The following SYT1 variants were observed in gnomAD, a reference collection of about 807,000 sequenced individuals.
SYT1 encodes synaptotagmin 1.
In SYT1, 8 loss-of-function variants were observed where a neutral mutation model predicts 44.8. The observed-to-expected ratio is 0.18, with a 90% CI of 0.10 to 0.32. The LOEUF is 0.32. SYT1 is among the 10% of genes least tolerant of loss of function. SYT1 has a pLI of 1.00. For missense variants in SYT1, 286 were observed against 509.3 expected, an observed-to-expected ratio of 0.56 and a Z score of 4.22; for synonymous variants, 154 against 188.8, an observed-to-expected ratio of 0.82 and a Z score of 1.51.
chr12:79,063,963 T>C (rs553862140), intron 3 of SYT1, among the ~76,000 whole-genome samples: 13 of 152,280 alleles, frequency 8.5e-5, no homozygotes, highest in Middle Eastern at 3.4e-3. Flanking sequence ...TCAAAGCACC[T>C]AGGACATGCC....
chr12:79,006,046 C>T (rs962952902), intron 2 of SYT1, among the ~76,000 whole-genome samples: 1 of 152,136 alleles, frequency 6.6e-6, no homozygotes, highest in Non-Finnish European at 1.5e-5. Context: ...GGCCTCATCT[C>T]CTAACAACCA....
At chr12:79,105,401 A>G (rs982689673) in intron 3 of SYT1, among the ~76,000 whole-genome samples, 6 of 152,210 alleles carry the variant, frequency 3.9e-5, no homozygotes, top group Non-Finnish European at 5.9e-5. Flanking sequence ...AGGAAGAGTA[A>G]TGGAAAATGA....
chr12:79,401,139 C>T (rs11114088), intron 9 of SYT1, among the ~76,000 whole-genome samples: 7,783 of 152,138 alleles, frequency 0.051, 435 homozygotes, highest in East Asian at 0.2. Context: ...ATAAAAATGT[C>T]AAACAAGGGC....
chr12:79,431,510 T>TATA (rs1869777574), intron 9 of SYT1, among the ~76,000 whole-genome samples: 1 of 95,802 alleles, frequency 1.0e-5, no homozygotes, highest in African/African-American at 3.2e-5. Context: ...TTTATTTTAT[T>TATA]TTATTATTTA....
chr12:79,313,259 T>TAGAA (rs1446732849), intron 8 of SYT1, among the ~76,000 whole-genome samples: 1 of 152,164 alleles, frequency 6.6e-6, no homozygotes, highest in Non-Finnish European at 1.5e-5. Context: ...CCATACCCAT[T>TAGAA]AGTTATTGAA....
intron 3 of SYT1, among the ~76,000 whole-genome samples, chr12:79,099,774 A>C (rs544535889): frequency 6.6e-6 from 1 of 152,260 alleles, no homozygotes; most frequent in African/African-American, 2.4e-5. Flanking sequence ...ACTAATTCCT[A>C]ATTATGACAG....
At chr12:79,052,961 G>T (rs1565783457) in intron 3 of SYT1, among the ~76,000 whole-genome samples, 1 of 152,074 alleles carries the variant, frequency 6.6e-6, no homozygotes, top group African/African-American at 2.4e-5. Context: ...ATTCCTCAGG[G>T]ATCTAGAACT....
intron 4 of SYT1, among the ~76,000 whole-genome samples, chr12:79,245,184 T>C (rs1177995063): frequency 6.6e-6 from 1 of 151,334 alleles, no homozygotes; most frequent in Non-Finnish European, 1.5e-5. Context: ...ACTTCATTAT[T>C]GCCGGGCGCG....
intron 2 of SYT1, among the ~76,000 whole-genome samples, chr12:78,989,819 T>C (rs2137478504): frequency 6.6e-6 from 1 of 152,224 alleles, no homozygotes; most frequent in Admixed American, 6.5e-5. Flanking sequence ...AAGGTAACCT[T>C]CCATGTCTGC....
At chr12:79,015,391 C>A (rs1291111773) in intron 2 of SYT1, among the ~76,000 whole-genome samples, 1 of 151,910 alleles carries the variant, frequency 6.6e-6, no homozygotes, top group Non-Finnish European at 1.5e-5. Context: ...AAGTAACCAA[C>A]TTTTTTATTT....
At chr12:78,990,421 A>G (rs1401061135) in intron 2 of SYT1, among the ~76,000 whole-genome samples, 2 of 152,296 alleles carry the variant, frequency 1.3e-5, no homozygotes, top group Admixed American at 1.3e-4. Flanking sequence ...CAAGCAATCT[A>G]TTGACATTTA....
Position 79,019,720 on chromosome 12 carries a change from C to G in SYT1, c.-83-27577C>G, listed in dbSNP as rs116539646. Among the ~76,000 whole-genome samples the G allele has an allele frequency of 3.8e-3, 583 of 151,972 alleles. 2 individuals carry two copies. Among genetic ancestry groups the G allele is most frequent in the African/African-American group, 0.013 (545 of 41,502 alleles). ...TTTATTTATTTATTTTACTAAACTC[C>G]TTTCATGTCAGAGAAACATAAAACT... On this transcript the variant is annotated intron_variant, in intron 2 of 10. Coordinates refer to ENST00000261205, the MANE Select transcript of SYT1 (RefSeq NM_005639.3).
intron 1 of SYT1, among the ~76,000 whole-genome samples, chr12:78,951,249 A>G (rs1334122675): frequency 2.6e-5 from 4 of 152,156 alleles, no homozygotes; most frequent in African/African-American, 9.6e-5. Flanking sequence ...ACCTCCTAAT[A>G]CGTCAGTCTA....
intron 3 of SYT1, among the ~76,000 whole-genome samples, chr12:79,109,137 C>T (rs1878876181): frequency 6.6e-6 from 1 of 152,130 alleles, no homozygotes; most frequent in African/African-American, 2.4e-5. Context: ...AAGAGGAGGG[C>T]CAGGCTCCTC....
At chr12:78,926,464 A>T (rs1356834048) in intron 1 of SYT1, 1 of 152,062 alleles carries the variant, frequency 6.6e-6, no homozygotes, top group Non-Finnish European at 1.5e-5. Context: ...TCTGGATAAA[A>T]TTTGAATTAT....
At chr12:79,212,498 G>A (rs377628399) in intron 3 of SYT1, among the ~76,000 whole-genome samples, 50 of 142,850 alleles carry the variant, frequency 3.5e-4, no homozygotes, top group Non-Finnish European at 4.0e-4. Flanking sequence ...AAAGTAAAAT[G>A]AAAAAAAAAA....
At chr12:79,081,895 C>T (rs1306703521) in intron 3 of SYT1, among the ~76,000 whole-genome samples, 2 of 152,166 alleles carry the variant, frequency 1.3e-5, no homozygotes, top group Non-Finnish European at 2.9e-5. Context: ...CCATTGAATT[C>T]ATCTCACTGT....
intron 2 of SYT1, among the ~76,000 whole-genome samples, chr12:78,992,324 G>C (rs1199776684): frequency 1.3e-5 from 2 of 152,112 alleles, no homozygotes; most frequent in Non-Finnish European, 2.9e-5. Context: ...AGGTAGTTAT[G>C]GTTTTTCCCA....
At chr12:79,445,159 A>T (rs914330071) in intron 10 of SYT1, among the ~76,000 whole-genome samples, 1 of 152,068 alleles carries the variant, frequency 6.6e-6, no homozygotes, top group African/African-American at 2.4e-5. Flanking sequence ...AATACTCTTT[A>T]TTTATTTTAT....
Sources: gnomAD v4.1 joint callset for allele counts (sites outside exome capture counted in the v4.1 genomes callset) on GRCh38, gnomAD v4.1.1 for gene constraint, MANE v1.5 for transcripts, NCBI Gene and HGNC (gene_info 2026-07-23, HGNC 2026-07-21) for gene names.